TTC8: variants seen among roughly 807,000 people sequenced by gnomAD.
TTC8 encodes tetratricopeptide repeat domain 8.
In TTC8, 47 loss-of-function variants were observed where a neutral mutation model predicts 72.5. That is an observed-to-expected ratio of 0.65 (90% confidence interval 0.51 to 0.83). The LOEUF is 0.83. TTC8 is among the 40% of genes least tolerant of loss of function. The probability of loss-of-function intolerance (pLI) is 0.00; values close to 1 mark genes in which losing one functional copy is unlikely to be tolerated. For missense variants in TTC8, 611 were observed against 623.2 expected (o/e 0.98, Z 0.21); for synonymous variants, 199 against 221.4 (o/e 0.90, Z 0.90).
At chr14:88,878,517 G>C (rs1341898945), downstream of TTC8, 1 of 152,192 alleles carries the variant, frequency 6.6e-6, no homozygotes, top group Non-Finnish European at 1.5e-5. Context: ...ATGATAGCTT[G>C]CTCAAGGCTA....
intron 7 of TTC8, 72 bp downstream of exon 7, chr14:88,843,922 T>A: frequency 1.8e-6 from 2 of 1,094,804 alleles, no homozygotes; most frequent in Non-Finnish European, 2.7e-6. Flanking sequence ...TTCTGAAATA[T>A]TCTATTTCTG....
intron 8 of TTC8, among the ~76,000 whole-genome samples, chr14:88,855,777 C>T (rs752983222): frequency 1.3e-5 from 2 of 152,092 alleles, no homozygotes; most frequent in Admixed American, 6.5e-5. Context: ...ATTTCAGTCA[C>T]GTGTTTAAGA....
chr14:88,827,102 T>G (rs2094704986), intron 1 of TTC8, among the ~76,000 whole-genome samples: 1 of 152,128 alleles, frequency 6.6e-6, no homozygotes, highest in African/African-American at 2.4e-5. Context: ...TCGGGAAATG[T>G]AGGCAAAGCA....
intron 1 of TTC8, chr14:88,830,970 T>C (rs573684347): frequency 2.2e-6 from 1 of 455,300 alleles, no homozygotes; most frequent in African/African-American, 2.0e-5. Flanking sequence ...TCATCCCACA[T>C]ACTCAGCAGA....
At chr14:88,878,781 G>A (rs550017806), downstream of TTC8, 6 of 152,274 alleles carry the variant, frequency 3.9e-5, no homozygotes, top group African/African-American at 1.2e-4. Flanking sequence ...AACATTTACT[G>A]AGGATGTTAA....
chr14:88,835,209 C>G (rs1158202433), intron 2 of TTC8, among the ~76,000 whole-genome samples: 1 of 152,190 alleles, frequency 6.6e-6, no homozygotes, highest in Non-Finnish European at 1.5e-5. Flanking sequence ...AAAATTGTTT[C>G]TTACATGCTT....
At chr14:88,848,854 T>G (rs1487345883) in intron 7 of TTC8, among the ~76,000 whole-genome samples, 1 of 152,196 alleles carries the variant, frequency 6.6e-6, no homozygotes, top group African/African-American at 2.4e-5. Flanking sequence ...TACCTCATGG[T>G]ACTAACGGAG....
Position 88,841,347 on chromosome 14 carries a change from T to C in TTC8, c.490-78T>C, listed in dbSNP as rs200315097. 104 of 1,596,880 alleles carry C rather than the reference T, an allele frequency of 6.5e-5. No individual in the cohort carries two copies. In the East Asian group the frequency reaches 2.3e-3, roughly 35 times the overall value. ...ATTATTTTTATTTATGTTGCCTTTA[T>C]ATTTTTATGCATATTAAACTTGTTT... On this transcript the variant is annotated intron_variant, in intron 5 of 14. Transcript: ENST00000380656.
intron 8 of TTC8, among the ~76,000 whole-genome samples, chr14:88,856,311 A>C (rs1006865446): frequency 4.6e-5 from 7 of 152,226 alleles, no homozygotes; most frequent in Non-Finnish European, 7.3e-5. Flanking sequence ...CCAATGCTTA[A>C]GGTTTAAGGT....
At chr14:88,870,917 G>C (rs61580364) in intron 11 of TTC8, among the ~76,000 whole-genome samples, 9 of 152,128 alleles carry the variant, frequency 5.9e-5, no homozygotes, top group Admixed American at 5.2e-4. Context: ...GGTTTCTCAC[G>C]GCAGCTGGGC....
intron 1 of TTC8, among the ~76,000 whole-genome samples, chr14:88,826,292 A>G (rs1031577096): frequency 1.3e-5 from 2 of 151,644 alleles, no homozygotes; most frequent in African/African-American, 4.8e-5. Flanking sequence ...CCAGCCCCCA[A>G]ATGTGTTTTT....
chr14:88,845,673 C>T (rs1373572281), intron 7 of TTC8, among the ~76,000 whole-genome samples: 1 of 152,082 alleles, frequency 6.6e-6, no homozygotes, highest in Non-Finnish European at 1.5e-5. Flanking sequence ...AATGCTATTC[C>T]ATTTCATAAA....
chr14:88,850,255 C>T (rs868621166), intron 7 of TTC8, among the ~76,000 whole-genome samples: 2 of 152,186 alleles, frequency 1.3e-5, no homozygotes, highest in African/African-American at 4.8e-5. Flanking sequence ...TGTCAACAGA[C>T]GTCAGAAACA....
rs369865910 is a variant in TTC8, at chr14:88,871,186, G to T, written c.1050-363G>T. 8.5e-4 allele frequency among the ~76,000 whole-genome samples: 130 copies of T among 152,316 alleles called. 2 individuals carry two copies. The South Asian group carries it at 0.026, about 30-fold the overall frequency. ...AATGCTAAACGCAGTCCTCAAATTAGATTAGGTTTTAGGAATTTACCCTAT... is the reference window on the plus strand; with the variant it reads ...AATGCTAAACGCAGTCCTCAAATTATATTAGGTTTTAGGAATTTACCCTAT... On this transcript the variant is annotated intron_variant, in intron 11 of 14. Transcript: ENST00000380656. This position sits in a 1 kb window ranked among gnomAD's most constrained non-coding sequence, Gnocchi z 4.1.
intron 14 of TTC8, among the ~76,000 whole-genome samples, chr14:88,876,401 A>T (rs184200249): frequency 1.3e-5 from 2 of 152,184 alleles, no homozygotes; most frequent in African/African-American, 4.8e-5. Context: ...TTTTGAGTGT[A>T]TACATGAAAA....
intron 7 of TTC8, 84 bp from the exon 8 acceptor site, chr14:88,852,887 T>A: frequency 8.6e-7 from 1 of 1,158,318 alleles, no homozygotes; most frequent in Non-Finnish European, 1.3e-6. Flanking sequence ...TGGTGCTAAT[T>A]ATATGGTCTA....
At chr14:88,870,795 G>A (rs1595986381) in intron 11 of TTC8, among the ~76,000 whole-genome samples, 1 of 152,160 alleles carries the variant, frequency 6.6e-6, no homozygotes, top group Non-Finnish European at 1.5e-5. Context: ...ATGACTGGCA[G>A]CTGACAAGGG....
At chr14:88,843,657 A>T (rs2140982111) in intron 6 of TTC8, 149 bp from the exon 7 acceptor site, 1 of 509,656 alleles carries the variant, frequency 2.0e-6, no homozygotes, top group East Asian at 3.1e-5. Context: ...AACCAGAATC[A>T]GTTATAAATA....
intron 2 of TTC8, among the ~76,000 whole-genome samples, chr14:88,834,500 T>C (rs1194744802): frequency 6.6e-6 from 1 of 152,124 alleles, no homozygotes; most frequent in Non-Finnish European, 1.5e-5. Context: ...ACTTGAACCT[T>C]ATTAGGGGTC....
Sources: gnomAD v4.1 joint callset for allele counts (sites outside exome capture counted in the v4.1 genomes callset) on GRCh38, gnomAD v4.1.1 for gene constraint, Gnocchi (gnomAD v3.1) non-coding constraint, MANE v1.5 for transcripts, NCBI Gene and HGNC (gene_info 2026-07-23, HGNC 2026-07-21) for gene names.